KPNA3: variants seen among roughly 807,000 people sequenced by gnomAD.
KPNA3 encodes karyopherin subunit alpha 3.
In KPNA3, 13 loss-of-function variants were observed where a neutral mutation model predicts 73.8. The ratio of observed to expected loss-of-function variants is 0.18; its 90% CI spans 0.11 to 0.28. KPNA3 has a LOEUF of 0.28. Among genes scored for constraint, KPNA3 ranks in the 10% least tolerant of loss-of-function variants. The probability of loss-of-function intolerance (pLI) is 1.00; values close to 1 mark genes in which losing one functional copy is unlikely to be tolerated. For synonymous variants in KPNA3, 186 were observed against 206.9 expected, an observed-to-expected ratio of 0.90 and a Z score of 0.87; for missense variants, 360 against 618.1, an observed-to-expected ratio of 0.58 and a Z score of 4.43.
intron 1 of KPNA3, among the ~76,000 whole-genome samples, chr13:49,753,398 A>G (rs927773303): frequency 1.3e-5 from 2 of 152,206 alleles, no homozygotes; most frequent in Non-Finnish European, 1.5e-5. Flanking sequence ...TTTAAAGTAT[A>G]CAAGTGGCAA....
intron 6 of KPNA3, among the ~76,000 whole-genome samples, chr13:49,730,458 T>A (rs1954451927): frequency 8.3e-6 from 1 of 121,160 alleles, no homozygotes; most frequent in Non-Finnish European, 1.6e-5. Flanking sequence ...AGGCAGACAT[T>A]GCAGTGAGCC....
At chr13:49,776,923 A>G (rs1012672508) in intron 1 of KPNA3, among the ~76,000 whole-genome samples, 5 of 152,234 alleles carry the variant, frequency 3.3e-5, no homozygotes, top group African/African-American at 2.4e-5. Flanking sequence ...AAAGATACTA[A>G]CTGTATAGTC....
chr13:49,710,752 A>T, intron 11 of KPNA3, 139 bp downstream of exon 11: 1 of 767,552 alleles, frequency 1.3e-6, no homozygotes, highest in Non-Finnish European at 2.0e-6. Context: ...TTTGGAAATC[A>T]ACAAAATCAG....
intron 6 of KPNA3, among the ~76,000 whole-genome samples, chr13:49,728,010 C>T (rs548278813): frequency 6.3e-4 from 95 of 151,850 alleles, no homozygotes; most frequent in African/African-American, 2.2e-3. Context: ...CTGAGGCAGG[C>T]GGATCACGAG....
At chr13:49,788,065 T>C (rs530261688) in intron 1 of KPNA3, among the ~76,000 whole-genome samples, 2 of 152,308 alleles carry the variant, frequency 1.3e-5, no homozygotes, top group East Asian at 3.9e-4. Context: ...TACTTAAGGG[T>C]TGTAGGCCTC....
intron 1 of KPNA3, among the ~76,000 whole-genome samples, chr13:49,762,932 A>AAAAG (rs56269125): frequency 0.19 from 27,789 of 148,022 alleles, 3,291 homozygotes; most frequent in Middle Eastern, 0.26. Flanking sequence ...AAAAACAAAA[A>AAAAG]AAGAAGAGGA....
intron 1 of KPNA3, among the ~76,000 whole-genome samples, chr13:49,786,303 G>C (rs986286190): frequency 6.6e-6 from 1 of 152,058 alleles, no homozygotes; most frequent in Non-Finnish European, 1.5e-5. Context: ...TATTCTCACT[G>C]AGCTTCTCAA....
At chr13:49,738,670 G>A (rs1954546541) in intron 2 of KPNA3, among the ~76,000 whole-genome samples, 2 of 152,034 alleles carry the variant, frequency 1.3e-5, no homozygotes, top group African/African-American at 2.4e-5. Flanking sequence ...ATATAAATGC[G>A]ACTGATTTCT....
chr13:49,792,483 C>T lies in KPNA3; in HGVS notation c.24G>A (p.Glu8=). The T allele has an allele frequency of 6.3e-7, 1 of 1,582,882 alleles. No individual in the cohort carries two copies. Residue 8 remains glutamate, a synonymous_variant, in exon 1 of 17, where the codon GAG becomes GAA. Coordinates refer to ENST00000261667, the MANE Select transcript of KPNA3 (RefSeq NM_002267.4). ...TCTTGAAGCTCTTGATGCGGTGGTTCTCCAAGCTGGGGTTCTCGGCCATGG... is the reference window on the plus strand; with the variant it reads ...TCTTGAAGCTCTTGATGCGGTGGTTTTCCAAGCTGGGGTTCTCGGCCATGG... The part of the protein sequence containing the change: MAENPSL[E]NHRIKSFKNK...
At chr13:49,785,308 G>A (rs1954973192) in intron 1 of KPNA3, among the ~76,000 whole-genome samples, 1 of 151,908 alleles carries the variant, frequency 6.6e-6, no homozygotes, top group South Asian at 2.1e-4. Flanking sequence ...TATAGAGGCA[G>A]GGCCAAAATC....
chr13:49,759,811 C>A (rs939514338), intron 1 of KPNA3, among the ~76,000 whole-genome samples: 1 of 152,192 alleles, frequency 6.6e-6, no homozygotes, highest in Non-Finnish European at 1.5e-5. Context: ...CAGCCCAGTT[C>A]CTAATGGGCC....
At chr13:49,767,309 C>T (rs988690752) in intron 1 of KPNA3, among the ~76,000 whole-genome samples, 1 of 150,944 alleles carries the variant, frequency 6.6e-6, no homozygotes, top group East Asian at 1.9e-4. Context: ...CGCAGCTACT[C>T]AGGAGGCTGA....
chr13:49,746,529 C>T (rs1326395529), intron 2 of KPNA3, among the ~76,000 whole-genome samples: 1 of 152,114 alleles, frequency 6.6e-6, no homozygotes, highest in Non-Finnish European at 1.5e-5. Flanking sequence ...CTCTAAAATC[C>T]TCCAAAAATA....
chr13:49,719,377 ATC>A (rs531425545), intron 10 of KPNA3, among the ~76,000 whole-genome samples: 1 of 152,260 alleles, frequency 6.6e-6, no homozygotes, highest in South Asian at 2.1e-4. Flanking sequence ...AAGTCATTTA[ATC>A]TCTCTCTGAG....
At chr13:49,780,694 C>T (rs550593510) in intron 1 of KPNA3, among the ~76,000 whole-genome samples, 2 of 151,616 alleles carry the variant, frequency 1.3e-5, no homozygotes, top group South Asian at 4.2e-4. Flanking sequence ...CAAATTACTC[C>T]ACACCTGAAT....
intron 1 of KPNA3, among the ~76,000 whole-genome samples, chr13:49,769,688 G>A (rs1954837660): frequency 6.6e-6 from 1 of 152,054 alleles, no homozygotes. Flanking sequence ...TCCATTCAAG[G>A]ACATTTGGGT....
At chr13:49,734,954 T>TAGAA (rs144444749) in intron 2 of KPNA3, among the ~76,000 whole-genome samples, 1 of 145,840 alleles carries the variant, frequency 6.9e-6, no homozygotes, top group East Asian at 2.0e-4. Flanking sequence ...GAGAGATAGA[T>TAGAA]AGAGAGAGAG....
chr13:49,745,633 C>T (rs529631615), intron 2 of KPNA3, among the ~76,000 whole-genome samples: 21 of 151,978 alleles, frequency 1.4e-4, no homozygotes, highest in African/African-American at 4.3e-4. Flanking sequence ...GCTGGAATGA[C>T]GGCATGAGCC....
chr13:49,759,990 T>C (rs967642104), intron 1 of KPNA3, among the ~76,000 whole-genome samples: 11 of 152,212 alleles, frequency 7.2e-5, no homozygotes, highest in Admixed American at 3.3e-4. Flanking sequence ...GCCTTTCTGA[T>C]GGAAGAGAAA....
Sources: allele counts gnomAD v4.1 joint callset (sites outside exome capture counted in the v4.1 genomes callset), GRCh38; gene constraint gnomAD v4.1.1; transcripts MANE v1.5; gene names NCBI Gene and HGNC (gene_info 2026-07-23, HGNC 2026-07-21).